The following MED28 variants were observed in gnomAD, a reference collection of about 807,000 sequenced individuals.
MED28 encodes mediator complex subunit 28.
In MED28, 26 loss-of-function variants were observed where a neutral mutation model predicts 21.3. That is an observed-to-expected ratio of 1.22 (90% CI 0.89 to 1.69). The LOEUF (loss-of-function observed/expected upper bound fraction) is 1.69, where lower values mean the gene tolerates loss of function less well. MED28 is among the 40% of genes most tolerant of loss of function. The probability of loss-of-function intolerance (pLI) is 0.00; values close to 1 mark genes in which losing one functional copy is unlikely to be tolerated. For synonymous variants in MED28, 110 were observed against 87.6 expected (o/e 1.26, Z -1.43); for missense variants, 257 against 215.4 (o/e 1.19, Z -1.21).
At position 17,632,043 on chromosome 4, in the gene MED28, ATTTTTTTTTTT is replaced by A. The variant is rs199549580; in HGVS notation, c.*8279_*8289del. 143 of 117,448 alleles carry A rather than the reference ATTTTTTTTTTT, an allele frequency of 1.2e-3. No homozygotes were observed. Among genetic ancestry groups the A allele is most frequent in the African/African-American group, 3.9e-3 (113 of 29,244 alleles). The allele number at this position is 117,448 out of a possible 1,614,324, so 7.3% of individuals were successfully genotyped here. A position where few individuals can be genotyped will look rare whatever the true frequency, so the allele number is the denominator to read the frequency against. ...TTTTAATAACACTGGTTTAATGTCAATTTTTTTTTTTTTTTTTTTTTTTTTTTTTTTTTTTT... is the reference window on the plus strand; with the variant it reads ...TTTTAATAACACTGGTTTAATGTCAATTTTTTTTTTTTTTTTTTTTTTTTT... On this transcript the variant is annotated 3_prime_UTR_variant, in exon 4 of 4. Coordinates refer to ENST00000237380, the MANE Select transcript of MED28 (RefSeq NM_025205.5).
In MED28 at chr4:17,629,887, G is replaced by T. The variant is rs1407710752; in HGVS notation, c.*6089G>T. 6.6e-6 allele frequency: 1 copy of T among 152,148 alleles called. No individual in the cohort carries two copies. Among genetic ancestry groups the T allele is most frequent in the Non-Finnish European group, 1.5e-5 (1 of 68,012 alleles). The allele number at this position is 152,148 out of a possible 1,614,324, so 9.4% of individuals were successfully genotyped here. A position where few individuals can be genotyped will look rare whatever the true frequency, so the allele number is the denominator to read the frequency against. On this transcript the variant is annotated 3_prime_UTR_variant, in exon 4 of 4. Transcript: ENST00000237380. ...TAGAAACTTTCTGAATGGCAGTTTG[G>T]TAATAACAAACAAAAAGCTTAAGTT...
Position 17,633,614 on chromosome 4 carries a change from C to A in MED28, c.*9816C>A. ...GCCTTCTGGAATTTGGTACCAGGTGCTAGAAAGAATCCTACTTCCCCTCTT... is the reference window on the plus strand; with the variant it reads ...GCCTTCTGGAATTTGGTACCAGGTGATAGAAAGAATCCTACTTCCCCTCTT... On this transcript the variant is annotated 3_prime_UTR_variant, in exon 4 of 4. Transcript: ENST00000237380. 7.6e-7 allele frequency: 1 copy of A among 1,307,834 alleles called. No homozygotes were observed. The highest frequency in any genetic ancestry group is 1.0e-6 in the Non-Finnish European group (1 of 1,000,978). The allele number at this position is 1,307,834 out of a possible 1,614,324, so 81.0% of individuals were successfully genotyped here.
At chr4:17,614,887 C>T in intron 1 of MED28, 74 bp downstream of exon 1, 14 of 1,486,576 alleles carry the variant, frequency 9.4e-6, no homozygotes, top group Non-Finnish European at 1.3e-5. Context: ...GTACGCGTAT[C>T]TCCTCCAGGG....
chr4:17,632,308 C>T lies in MED28; in HGVS notation c.*8510C>T. On this transcript the variant is annotated 3_prime_UTR_variant, in exon 4 of 4. Transcript: ENST00000237380. ...CAGGCTGGTCTCAAATTCCTGGACT[C>T]AAGCAGTCCATCTGCCTCAGCCTCC... 1 of 338,468 alleles carries T rather than the reference C, an allele frequency of 3.0e-6. No individual in the cohort carries two copies. The highest frequency in any genetic ancestry group is 4.0e-5 in the Admixed American group (1 of 24,788). 21.0% of individuals were successfully genotyped at this position (338,468 alleles called of 1,614,324 possible). A position where few individuals can be genotyped will look rare whatever the true frequency, so the allele number is the denominator to read the frequency against.
rs1714829521 is a variant in MED28, at chr4:17,628,400, A to G, written c.*4602A>G. 1 of 151,942 alleles carries G rather than the reference A, an allele frequency of 6.6e-6. No individual in the cohort carries two copies. The allele number at this position is 151,942 out of a possible 1,614,324, so 9.4% of individuals were successfully genotyped here. On this transcript the variant is annotated 3_prime_UTR_variant, in exon 4 of 4. Coordinates refer to ENST00000237380, the MANE Select transcript of MED28 (RefSeq NM_025205.5). ...TCCCTACTCTAGTCCACCTTCCTAT[A>G]AATAAGATGTATTGAGATGCTCAGT... is the stretch of plus-strand genomic sequence containing the variant.
rs937266452 is a variant in MED28, at chr4:17,628,336, ATGTG to A, written c.*4546_*4549del. 2.1e-5 allele frequency: 3 copies of A among 144,184 alleles called. No individual in the cohort carries two copies. The highest frequency in any genetic ancestry group is 4.6e-5 in the Non-Finnish European group (3 of 65,464). The allele number at this position is 144,184 out of a possible 1,614,324, so 8.9% of individuals were successfully genotyped here. A position where few individuals can be genotyped will look rare whatever the true frequency, so the allele number is the denominator to read the frequency against. The stretch of plus-strand genomic sequence containing the variant: ...TGTGTATGTATGTGTGTATATATAT[ATGTG>A]TGTGTGTATATATATATATGCAATT... On this transcript the variant is annotated 3_prime_UTR_variant, in exon 4 of 4. Coordinates refer to ENST00000237380, the MANE Select transcript of MED28 (RefSeq NM_025205.5).
rs1714874258 is a variant in MED28 at position 17,629,905 on chromosome 4, CTTAAGT to C, written c.*6110_*6115del. On this transcript the variant is annotated 3_prime_UTR_variant, in exon 4 of 4. Coordinates refer to ENST00000237380, the MANE Select transcript of MED28 (RefSeq NM_025205.5). Reference sequence around the variant, plus strand: ...CAGTTTGGTAATAACAAACAAAAAGCTTAAGTTTGTGTCCTTAAATGCCTTACTTCA... The same window carrying C: ...CAGTTTGGTAATAACAAACAAAAAGCTTGTGTCCTTAAATGCCTTACTTCA... 6.6e-6 allele frequency: 1 copy of C among 152,150 alleles called. No individual in the cohort carries two copies. The highest frequency in any genetic ancestry group is 1.5e-5 in the Non-Finnish European group (1 of 68,010). The allele number at this position is 152,150 out of a possible 1,614,324, so 9.4% of individuals were successfully genotyped here. A position where few individuals can be genotyped will look rare whatever the true frequency, so the allele number is the denominator to read the frequency against.
rs748206897 is a variant in MED28 at position 17,614,654 on chromosome 4, C to T, written c.-1C>T. On this transcript the variant is annotated 5_prime_UTR_variant, in exon 1 of 4. Transcript: ENST00000237380. ...TGGATCTCTCTTGCGCCATTCCAAA[C>T]ATGGCGGCTCCACTAGGGGGTATGT... 13 of 1,606,276 alleles carry T rather than the reference C, an allele frequency of 8.1e-6. No individual in the cohort carries two copies. The highest frequency in any genetic ancestry group is 1.1e-5 in the Non-Finnish European group (13 of 1,177,194).
At position 17,629,997 on chromosome 4, in the gene MED28, A is replaced by AAGAT. The variant is rs1190709445; in HGVS notation, c.*6201_*6204dup. 1 of 152,214 alleles carries AAGAT rather than the reference A, an allele frequency of 6.6e-6. No individual in the cohort carries two copies. Among genetic ancestry groups the AAGAT allele is most frequent in the African/African-American group, 2.4e-5 (1 of 41,458 alleles). 9.4% of individuals were successfully genotyped at this position (152,214 alleles called of 1,614,324 possible). A position where few individuals can be genotyped will look rare whatever the true frequency, so the allele number is the denominator to read the frequency against. On this transcript the variant is annotated 3_prime_UTR_variant, in exon 4 of 4. Coordinates refer to ENST00000237380, the MANE Select transcript of MED28 (RefSeq NM_025205.5). ...GAAGCATGCAAAGATTTTGTTAACA[A>AAGAT]AGATATAATCATTGCAGGGTAGAAT... is the stretch of plus-strand genomic sequence containing the variant.
At position 17,614,720 on chromosome 4, in the gene MED28, C is replaced by G. The variant is rs780273667; in HGVS notation, c.66C>G (p.Gly22=). ...CCGGTCCCCCTCAGGCCCCGCCGGG[C>G]CTTCCGGGCCAAGCTTCGCTTCTTC... ...QPPGPPQAPP[G]LPGQASLLQA... The change falls in exon 1 of 4, where the codon GGC becomes GGG. Residue 22 remains glycine, a synonymous_variant. Coordinates refer to ENST00000237380, the MANE Select transcript of MED28 (RefSeq NM_025205.5). 1 of 1,614,244 alleles carries G rather than the reference C, an allele frequency of 6.2e-7. No individual in the cohort carries two copies. The highest frequency in any genetic ancestry group is 1.1e-5 in the South Asian group (1 of 91,086).
Position 17,627,939 on chromosome 4 carries a change from C to G in MED28, c.*4141C>G, listed in dbSNP as rs1252992278. On this transcript the variant is annotated 3_prime_UTR_variant, in exon 4 of 4. Coordinates refer to ENST00000237380, the MANE Select transcript of MED28 (RefSeq NM_025205.5). ...CTCTTTTGCCCCGGTGTTCCTTGGC[C>G]CACCTGTCAGACCTACATCATAGGC... 6.6e-6 allele frequency: 1 copy of G among 152,210 alleles called. No individual in the cohort carries two copies. The highest frequency in any genetic ancestry group is 2.4e-5 in the African/African-American group (1 of 41,432). 9.4% of individuals were successfully genotyped at this position (152,210 alleles called of 1,614,324 possible). A position where few individuals can be genotyped will look rare whatever the true frequency, so the allele number is the denominator to read the frequency against.
chr4:17,617,634 C>T (rs531786140), intron 1 of MED28, among the ~76,000 whole-genome samples: 27 of 152,300 alleles, frequency 1.8e-4, no homozygotes, highest in Admixed American at 5.2e-4. Context: ...TAGGCAGATG[C>T]GGTGGCTCAC....
In MED28 at chr4:17,632,201, A is replaced by AGT. The variant is rs553605766; in HGVS notation, c.*8404_*8405dup. The AGT allele has an allele frequency of 2.9e-3, 461 of 160,926 alleles. 1 individual carries two copies. Among genetic ancestry groups the AGT allele is most frequent in the Non-Finnish European group, 2.1e-3 (153 of 73,520 alleles). 10.0% of individuals were successfully genotyped at this position (160,926 alleles called of 1,614,324 possible). On this transcript the variant is annotated 3_prime_UTR_variant, in exon 4 of 4. Coordinates refer to ENST00000237380, the MANE Select transcript of MED28 (RefSeq NM_025205.5). ...GTGATCCTCCCGCCTCAGTCCCCCA[A>AGT]GTACCTGGGACCACAGGCACACGCC...
At chr4:17,618,249 T>A (rs569822589) in intron 1 of MED28, among the ~76,000 whole-genome samples, 6 of 152,090 alleles carry the variant, frequency 3.9e-5, no homozygotes, top group African/African-American at 7.2e-5. Flanking sequence ...ACTGAAGTGA[T>A]CCACCCATCT....
In MED28 at chr4:17,630,904, GTTATTCAAAGTT is replaced by G. The variant is rs1256168362; in HGVS notation, c.*7117_*7128del. 2.6e-5 allele frequency: 4 copies of G among 152,058 alleles called. No individual in the cohort carries two copies. The highest frequency in any genetic ancestry group is 2.1e-4 in the South Asian group (1 of 4,830). The allele number at this position is 152,058 out of a possible 1,614,324, so 9.4% of individuals were successfully genotyped here. On this transcript the variant is annotated 3_prime_UTR_variant, in exon 4 of 4. Transcript: ENST00000237380. Reference sequence around the variant, plus strand: ...ACAAGTCAACCATTTTTATTGCCCAGTTATTCAAAGTTTTATTCAAAGAGCAAAGATTTGACA... The same window carrying G: ...ACAAGTCAACCATTTTTATTGCCCAGTTATTCAAAGAGCAAAGATTTGACA...
chr4:17,625,871 T>C lies in MED28; in HGVS notation c.*2073T>C. ...GTACGTTCTGGTCTGGCTTGGTGCT[T>C]GACCTTAGGTCTGCCCACAGGCTTC... On this transcript the variant is annotated 3_prime_UTR_variant, in exon 4 of 4. Transcript: ENST00000237380. 1 of 234,610 alleles carries C rather than the reference T, an allele frequency of 4.3e-6. No homozygotes were observed. Among genetic ancestry groups the C allele is most frequent in the South Asian group, 4.5e-5 (1 of 22,172 alleles). 14.5% of individuals were successfully genotyped at this position (234,610 alleles called of 1,614,324 possible).
rs74847534 is a variant in MED28 at position 17,622,377 on chromosome 4, T to G, written c.339+678T>G. Among the ~76,000 whole-genome samples, 478 of 152,324 alleles carry G rather than the reference T, an allele frequency of 3.1e-3. 1 individual carries two copies. The highest frequency in any genetic ancestry group is 0.011 in the African/African-American group (451 of 41,578). On this transcript the variant is annotated intron_variant, in intron 3 of 3. Coordinates refer to ENST00000237380, the MANE Select transcript of MED28 (RefSeq NM_025205.5). ...AATTAATCAAAAAGTCTCTTTTCAT[T>G]CATGATACCAGCTGTTGGGGATAGC...
rs1213204408 is a variant in MED28 at position 17,628,288 on chromosome 4, G to GTGTGTGTGTGTGTGTGTGTGTGTGTA, written c.*4493_*4494insGTGTGTGTGTGTGTGTGTGTGTATGT. ...TGTGTGTGTGTGTGTGTGTGTGTGTGTGTATGTGTATATGCGTATATATGT... is the reference window on the plus strand; with the variant it reads ...TGTGTGTGTGTGTGTGTGTGTGTGTGTGTGTGTGTGTGTGTGTGTGTGTGTATGTATGTGTATATGCGTATATATGT... On this transcript the variant is annotated 3_prime_UTR_variant, in exon 4 of 4. Coordinates refer to ENST00000237380, the MANE Select transcript of MED28 (RefSeq NM_025205.5). 6.7e-6 allele frequency: 1 copy of GTGTGTGTGTGTGTGTGTGTGTGTGTA among 150,148 alleles called. No individual in the cohort carries two copies. Among genetic ancestry groups the GTGTGTGTGTGTGTGTGTGTGTGTGTA allele is most frequent in the African/African-American group, 2.5e-5 (1 of 39,674 alleles). 9.3% of individuals were successfully genotyped at this position (150,148 alleles called of 1,614,324 possible). A position where few individuals can be genotyped will look rare whatever the true frequency, so the allele number is the denominator to read the frequency against.
At position 17,623,768 on chromosome 4, in the gene MED28, C is replaced by G; in HGVS notation, c.507C>G (p.Ala169=). The change falls in exon 4 of 4, where the codon GCC becomes GCG. Residue 169 remains alanine, a synonymous_variant. Transcript: ENST00000237380. ...GSLAYLEQAS[A]NIPAPLKPT ...TGGCCTACCTGGAGCAGGCATCTGC[C>G]AACATCCCTGCACCTCTGAAGCCAA... 1 of 1,614,086 alleles carries G rather than the reference C, an allele frequency of 6.2e-7. No homozygotes were observed. Among genetic ancestry groups the G allele is most frequent in the South Asian group, 1.1e-5 (1 of 91,054 alleles).
Sources: gnomAD v4.1 joint callset for allele counts (sites outside exome capture counted in the v4.1 genomes callset) on GRCh38, gnomAD v4.1.1 for gene constraint, MANE v1.5 for transcripts, NCBI Gene and HGNC (gene_info 2026-07-23, HGNC 2026-07-21) for gene names.